The following LTO1 variants were observed in gnomAD, a reference collection of about 807,000 sequenced individuals.
The protein encoded by LTO1 is LTO1 maturation factor of ABCE1.
Under a neutral mutation model 19.8 loss-of-function variants are expected in LTO1, and 18 were observed. That is an observed-to-expected ratio of 0.91 (90% CI 0.63 to 1.35). The LOEUF (loss-of-function observed/expected upper bound fraction) is 1.35. LTO1 is among the 40% of genes most tolerant of loss of function. LTO1 has a pLI of 0.00. For synonymous variants in LTO1, 59 were observed against 59.6 expected (o/e 0.99, Z 0.05); for missense variants, 175 against 167.9 (o/e 1.04, Z -0.23).
At chr11:69,672,739 TAAG>T (rs1324606464) in intron 2 of LTO1, 1 of 278,280 alleles carries the variant, frequency 3.6e-6, no homozygotes, top group Non-Finnish European at 7.1e-6. Flanking sequence ...GGTTCTGTAC[TAAG>T]AATATTTCTC....
Position 69,667,273 on chromosome 11 carries a change from C to A in LTO1, c.*246G>T. On this transcript the variant is annotated 3_prime_UTR_variant, in exon 5 of 5. Coordinates refer to ENST00000279147, the MANE Select transcript of LTO1 (RefSeq NM_153451.3). ...TGCCGGAGAGGCTGTCAAGTCAATG[C>A]ACGAGGGCTCTGCCAGGGACGGCTT... 1 of 551,722 alleles carries A rather than the reference C, an allele frequency of 1.8e-6. No homozygotes were observed. The allele number at this position is 551,722 out of a possible 1,614,324, so 34.2% of individuals were successfully genotyped here. A position where few individuals can be genotyped will look rare whatever the true frequency, so the allele number is the denominator to read the frequency against.
chr11:69,671,558 A>G (rs1197629196), intron 3 of LTO1, 191 bp downstream of exon 3: 3 of 559,178 alleles, frequency 5.4e-6, no homozygotes, highest in African/African-American at 3.8e-5. Context: ...CCAAACACCT[A>G]AAATGTGCCT....
rs1400055318 is a variant in LTO1, at chr11:69,667,148, T to C, written c.*371A>G. 1.5e-5 allele frequency: 3 copies of C among 204,222 alleles called. No individual in the cohort carries two copies. Among genetic ancestry groups the C allele is most frequent in the Non-Finnish European group, 2.9e-5 (3 of 102,962 alleles). The allele number at this position is 204,222 out of a possible 1,614,324, so 12.7% of individuals were successfully genotyped here. ...ATTCGGGGCCAACCATCTCTCTCAT[T>C]GCAAATAATAATAATAATAAAAATA... On this transcript the variant is annotated 3_prime_UTR_variant, in exon 5 of 5. Transcript: ENST00000279147.
intron 4 of LTO1, 31 bp downstream of exon 4, chr11:69,667,864 C>A: frequency 9.3e-7 from 1 of 1,080,448 alleles, no homozygotes; most frequent in South Asian, 1.2e-5. Context: ...ATCAGGTGCT[C>A]CTAGCAGGAG....
intron 3 of LTO1, among the ~76,000 whole-genome samples, chr11:69,669,307 A>G (rs2119840207): frequency 6.6e-6 from 1 of 152,338 alleles, no homozygotes; most frequent in South Asian, 2.1e-4. Flanking sequence ...GGCATTTTAA[A>G]GAACTGACAG....
At chr11:69,670,319 C>T (rs77550709) in intron 3 of LTO1, among the ~76,000 whole-genome samples, 80 of 152,366 alleles carry the variant, frequency 5.3e-4, no homozygotes, top group African/African-American at 1.3e-3. Flanking sequence ...CAGATTCTGC[C>T]GCTGTGGGAG....
chr11:69,668,698 A>G (rs549640241), intron 3 of LTO1, among the ~76,000 whole-genome samples: 1 of 150,236 alleles, frequency 6.7e-6, no homozygotes, highest in East Asian at 1.9e-4. Flanking sequence ...TAATGGGGAG[A>G]GTAACAGCAA....
Position 69,667,647 on chromosome 11 carries a change from G to T in LTO1, c.346-60C>A. ...GTGCATTTTTACTGAAAAATGAGAA[G>T]ATAACTCTATCTCTAGCTATAGCTT... On this transcript the variant is annotated intron_variant, in intron 4 of 4. Transcript: ENST00000279147. 7 of 1,196,636 alleles carry T rather than the reference G, an allele frequency of 5.8e-6. No homozygotes were observed. The South Asian group carries it at 7.3e-5, about 12-fold the overall frequency. The allele number at this position is 1,196,636 out of a possible 1,614,324, so 74.1% of individuals were successfully genotyped here.
intron 3 of LTO1, chr11:69,671,415 G>A (rs1856107450): frequency 4.4e-6 from 1 of 229,208 alleles, no homozygotes; most frequent in Admixed American, 5.0e-5. Context: ...CAGGGGAAAG[G>A]TGAATGAGAA....
chr11:69,668,419 T>A (rs1856064130), intron 3 of LTO1: 1 of 163,174 alleles, frequency 6.1e-6, no homozygotes, highest in Admixed American at 6.1e-5. Context: ...CTCAAAGCCT[T>A]CCAAAGTTCA....
intron 1 of LTO1, among the ~76,000 whole-genome samples, chr11:69,673,569 C>T (rs1856142860): frequency 6.6e-6 from 1 of 152,060 alleles, no homozygotes; most frequent in Non-Finnish European, 1.5e-5. Flanking sequence ...TTAGGGATTC[C>T]CAAACCTGAT....
rs1200357245 is a variant in LTO1 at position 69,666,841 on chromosome 11, TGGGA to T, written c.*674_*677del. The T allele has an allele frequency of 6.6e-6, 1 of 152,094 alleles. No homozygotes were observed. Among genetic ancestry groups the T allele is most frequent in the Non-Finnish European group, 1.5e-5 (1 of 68,050 alleles). 9.4% of individuals were successfully genotyped at this position (152,094 alleles called of 1,614,324 possible). On this transcript the variant is annotated 3_prime_UTR_variant, in exon 5 of 5. Transcript: ENST00000279147. ...GAGGCTTGGCAGGACCTGTGCGGCC[TGGGA>T]GGGAGGGCAGGGACTCGCCTGTGCA...
At chr11:69,673,738 A>G (rs1590924803) in intron 1 of LTO1, among the ~76,000 whole-genome samples, 1 of 125,960 alleles carries the variant, frequency 7.9e-6, no homozygotes, top group East Asian at 2.5e-4. Flanking sequence ...CCCTGCCTGG[A>G]GTGCAGTGGT....
chr11:69,668,960 G>A (rs1344120519), intron 3 of LTO1, among the ~76,000 whole-genome samples: 7 of 151,176 alleles, frequency 4.6e-5, no homozygotes, highest in African/African-American at 1.7e-4. Context: ...CCTGGGAGGT[G>A]GAGGTTGCAG....
intron 1 of LTO1, among the ~76,000 whole-genome samples, chr11:69,673,645 C>G (rs1372009913): frequency 6.6e-6 from 1 of 151,096 alleles, no homozygotes; most frequent in Non-Finnish European, 1.5e-5. Context: ...CCCAGAGATT[C>G]AGTACGTCTG....
chr11:69,671,639 A>G, intron 3 of LTO1, 110 bp downstream of exon 3: 1 of 716,920 alleles, frequency 1.4e-6, no homozygotes, highest in East Asian at 2.5e-5. Context: ...AATTTTCTCC[A>G]TTTTACAGAT....
chr11:69,671,951 G>C, intron 2 of LTO1, 132 bp from the exon 3 acceptor site: 1 of 673,628 alleles, frequency 1.5e-6, no homozygotes, highest in South Asian at 1.6e-5. Flanking sequence ...GGAAGCACCT[G>C]TTGAGCATTA....
chr11:69,673,040 C>T (rs985563236), intron 2 of LTO1, 176 bp downstream of exon 2: 12 of 664,144 alleles, frequency 1.8e-5, no homozygotes, highest in African/African-American at 8.9e-5. Context: ...GACCTCAAGG[C>T]GATCCACCCA....
At chr11:69,675,095 C>G (rs1432478841) in intron 1 of LTO1, 95 bp downstream of exon 1, 1 of 1,163,296 alleles carries the variant, frequency 8.6e-7, no homozygotes, top group South Asian at 1.3e-5. Flanking sequence ...CCAAGGGACG[C>G]CAGGCTCCAG....
Sources: gnomAD v4.1 joint callset for allele counts (sites outside exome capture counted in the v4.1 genomes callset) on GRCh38, gnomAD v4.1.1 for gene constraint, MANE v1.5 for transcripts, NCBI Gene and HGNC (gene_info 2026-07-23, HGNC 2026-07-21) for gene names.